BRD4: variants seen among roughly 807,000 people sequenced by gnomAD.
BRD4 encodes the protein bromodomain containing 4, also known as bromodomain-containing protein 4.
BRD4 carries 16 observed loss-of-function variants against 142.1 expected under a neutral mutation model. The observed-to-expected ratio is 0.11, with a 90% confidence interval of 0.08 to 0.17. The LOEUF is 0.17. Ranked by LOEUF, BRD4 falls within the 10% of genes least tolerant of loss-of-function variation. BRD4 has a pLI of 1.00. For missense variants in BRD4, 1,424 were observed against 1,810.9 expected, an observed-to-expected ratio of 0.79 and a Z score of 3.88; for synonymous variants, 833 against 707.5, an observed-to-expected ratio of 1.18 and a Z score of -2.82.
chr19:15,312,215 G>A (rs1312738677), intron 1 of BRD4, among the ~76,000 whole-genome samples: 1 of 152,204 alleles, frequency 6.6e-6, no homozygotes, highest in Non-Finnish European at 1.5e-5. Context: ...CATCGGCCAG[G>A]CACAGTAGCT....
rs867112974 is a variant in BRD4, at chr19:15,238,648, C to T, written c.4020+95G>A. 8.3e-6 allele frequency: 12 copies of T among 1,453,644 alleles called. No individual in the cohort carries two copies. Among genetic ancestry groups the T allele is most frequent in the African/African-American group, 7.2e-5 (5 of 69,796 alleles). The allele number at this position is 1,453,644 out of a possible 1,614,324, so 90.0% of individuals were successfully genotyped here. A position where few individuals can be genotyped will look rare whatever the true frequency, so the allele number is the denominator to read the frequency against. On this transcript the variant is annotated intron_variant, in intron 19 of 19. Transcript: ENST00000679869. The surrounding 1 kb of genome is among the most constrained non-coding windows in gnomAD (Gnocchi z 7.2). ...CCGACCAGCAGGGACGGGGCTCCCC[C>T]GCTGCCCCTCCCTGTCCAGGCTCCA...
intron 1 of BRD4, among the ~76,000 whole-genome samples, chr19:15,319,769 T>C (rs1417517540): frequency 6.6e-6 from 1 of 151,790 alleles, no homozygotes; most frequent in African/African-American, 2.4e-5. Flanking sequence ...ACCCCGTCTC[T>C]ACAAAAAAAT....
intron 1 of BRD4, among the ~76,000 whole-genome samples, chr19:15,306,255 C>G (rs568831457): frequency 6.6e-6 from 1 of 152,322 alleles, no homozygotes; most frequent in African/African-American, 2.4e-5. Context: ...TAGCTTTTGG[C>G]TTTCAAAATA....
At chr19:15,318,819 C>G (rs2145725764) in intron 1 of BRD4, among the ~76,000 whole-genome samples, 1 of 152,350 alleles carries the variant, frequency 6.6e-6, no homozygotes, top group South Asian at 2.1e-4. Context: ...GCCTTTGCAA[C>G]AGACCCATTC....
intron 1 of BRD4, among the ~76,000 whole-genome samples, chr19:15,290,359 C>T (rs2047772744): frequency 1.3e-5 from 2 of 152,182 alleles, no homozygotes; most frequent in African/African-American, 4.8e-5. Flanking sequence ...TGCGCCTCCA[C>T]TAATCCTGTT....
chr19:15,302,078 A>C (rs2047873318), intron 1 of BRD4, among the ~76,000 whole-genome samples: 1 of 151,920 alleles, frequency 6.6e-6, no homozygotes, highest in Admixed American at 6.6e-5. Flanking sequence ...GAGACTCCAG[A>C]ATTGCTTGAA....
At chr19:15,273,528 G>A (rs1000328080) in intron 1 of BRD4, among the ~76,000 whole-genome samples, 5 of 152,204 alleles carry the variant, frequency 3.3e-5, no homozygotes, top group Non-Finnish European at 7.3e-5. Flanking sequence ...ATGATGTGCA[G>A]GCTCCCACAT....
At position 15,240,820 on chromosome 19, in the gene BRD4, T is replaced by G. The variant is rs1448742221; in HGVS notation, c.3170-798A>C. Among the ~76,000 whole-genome samples, 4 of 152,280 alleles carry G rather than the reference T, an allele frequency of 2.6e-5. No individual in the cohort carries two copies. The East Asian group carries it at 7.7e-4, about 29-fold the overall frequency. On this transcript the variant is annotated intron_variant, in intron 14 of 19. Coordinates refer to ENST00000679869, the MANE Select transcript of BRD4 (RefSeq NM_001379291.1). ...CTGGAATCCCTGCAGGCAAGGGGCC[T>G]CACCGCTCTTTGGCTAGCTGCAGCT...
chr19:15,330,244 T>C (rs1412700569), intron 1 of BRD4, among the ~76,000 whole-genome samples: 6 of 152,190 alleles, frequency 3.9e-5, no homozygotes, highest in Non-Finnish European at 7.3e-5. Context: ...TAAGATACTA[T>C]GTTTCCTACC....
At chr19:15,281,681 G>A (rs1268197258) in intron 1 of BRD4, among the ~76,000 whole-genome samples, 3 of 152,200 alleles carry the variant, frequency 2.0e-5, no homozygotes, top group South Asian at 2.1e-4. Flanking sequence ...GTTCCTGTGA[G>A]AAGCATGTAG....
chr19:15,285,645 C>G (rs2047734370), intron 1 of BRD4, among the ~76,000 whole-genome samples: 1 of 151,966 alleles, frequency 6.6e-6, no homozygotes, highest in Non-Finnish European at 1.5e-5. Context: ...GTCTAGCATA[C>G]AGAATGAAAA....
At chr19:15,280,470 T>A (rs915824717) in intron 1 of BRD4, 1 of 1,009,904 alleles carries the variant, frequency 9.9e-7, no homozygotes, top group Non-Finnish European at 1.2e-6. Context: ...CGTAAACAAA[T>A]CAGAGCCAAG....
At chr19:15,308,199 C>T (rs1488587836) in intron 1 of BRD4, among the ~76,000 whole-genome samples, 1 of 67,148 alleles carries the variant, frequency 1.5e-5, no homozygotes, top group Non-Finnish European at 2.8e-5. Flanking sequence ...AGAAAGGGGG[C>T]AAGTCAAAAC....
intron 1 of BRD4, among the ~76,000 whole-genome samples, chr19:15,287,008 A>C (rs1388457184): frequency 2.0e-5 from 3 of 152,194 alleles, no homozygotes; most frequent in Admixed American, 2.0e-4. Context: ...GACCCCAGTC[A>C]GTTTCCACAC....
At chr19:15,284,915 C>T (rs2047729060) in intron 1 of BRD4, among the ~76,000 whole-genome samples, 1 of 152,182 alleles carries the variant, frequency 6.6e-6, no homozygotes, top group Non-Finnish European at 1.5e-5. Context: ...AAATAACCCA[C>T]AGAAGTCAAG....
At chr19:15,331,354 G>A (rs1204976443) in intron 1 of BRD4, among the ~76,000 whole-genome samples, 3 of 152,116 alleles carry the variant, frequency 2.0e-5, no homozygotes, top group Admixed American at 6.5e-5. Flanking sequence ...TTGGGAGGAG[G>A]GGGATCATTT....
chr19:15,253,467 G>GCAGAC, intron 11 of BRD4: 1 of 1,309,662 alleles, frequency 7.6e-7, no homozygotes, highest in Non-Finnish European at 1.1e-6. Context: ...GGTCCAACGT[G>GCAGAC]CAGACCCACG....
At chr19:15,287,152 G>A (rs2047745964) in intron 1 of BRD4, among the ~76,000 whole-genome samples, 2 of 151,980 alleles carry the variant, frequency 1.3e-5, no homozygotes, top group Admixed American at 1.3e-4. Flanking sequence ...GGAAACATAT[G>A]GGAAATCTCA....
intron 11 of BRD4, 23 bp from the exon 12 acceptor site, chr19:15,244,785 G>T: frequency 6.2e-7 from 1 of 1,614,128 alleles, no homozygotes; most frequent in South Asian, 1.1e-5. Context: ...AGAGAAGGTA[G>T]TGAGGCTCTG....
Sources: allele counts gnomAD v4.1 joint callset (sites outside exome capture counted in the v4.1 genomes callset), GRCh38; gene constraint gnomAD v4.1.1; non-coding constraint Gnocchi (gnomAD v3.1); transcripts MANE v1.5; gene names NCBI Gene and HGNC (gene_info 2026-07-23, HGNC 2026-07-21).